RBFOX1: variants seen among roughly 807,000 people sequenced by gnomAD.
RBFOX1 encodes the protein RNA binding fox-1 homolog 1.
A neutral mutation model predicts 57.7 loss-of-function variants in RBFOX1; 8 were observed. That is an observed-to-expected ratio of 0.14 (90% CI 0.08 to 0.25). The LOEUF is 0.25. Among genes scored for constraint, RBFOX1 ranks in the 10% least tolerant of loss-of-function variants. RBFOX1 has a pLI of 1.00. For synonymous variants in RBFOX1, 326 were observed against 222.4 expected (o/e 1.47, Z -4.15); for missense variants, 611 against 548.5 (o/e 1.11, Z -1.14).
chr16:6,486,754 T>G (rs1597997706), intron 2 of RBFOX1, among the ~76,000 whole-genome samples: 1 of 152,174 alleles, frequency 6.6e-6, no homozygotes, highest in Non-Finnish European at 1.5e-5. Flanking sequence ...TTTATGGGTA[T>G]GCGTTTTTGC....
intron 1 of RBFOX1, among the ~76,000 whole-genome samples, chr16:5,281,634 T>G (rs2063273807): frequency 6.6e-6 from 1 of 152,226 alleles, no homozygotes; most frequent in African/African-American, 2.4e-5. Flanking sequence ...ATATTTAGAA[T>G]TGTTATATTT....
chr16:5,720,930 A>G (rs1456983511), intron 3 of RBFOX1, among the ~76,000 whole-genome samples: 2 of 152,190 alleles, frequency 1.3e-5, no homozygotes, highest in African/African-American at 4.8e-5. Context: ...TGTATTTCTC[A>G]GTGAATTTCA....
chr16:5,954,495 T>A (rs2059584999), intron 4 of RBFOX1, among the ~76,000 whole-genome samples: 1 of 152,186 alleles, frequency 6.6e-6, no homozygotes, highest in Non-Finnish European at 1.5e-5. Context: ...GAGATGCTCG[T>A]GGTGCCCTTG....
chr16:7,131,533 C>T (rs1483423833), intron 4 of RBFOX1, among the ~76,000 whole-genome samples: 1 of 151,492 alleles, frequency 6.6e-6, no homozygotes, highest in Non-Finnish European at 1.5e-5. Context: ...TCACCATAAT[C>T]AACCTAGCTG....
At chr16:7,390,567 G>A (rs1179489766) in intron 4 of RBFOX1, among the ~76,000 whole-genome samples, 4 of 152,120 alleles carry the variant, frequency 2.6e-5, no homozygotes, top group Non-Finnish European at 4.4e-5. Context: ...TTTGCACATC[G>A]CAGAGATTAT....
At chr16:6,881,621 T>G (rs916330328) in intron 3 of RBFOX1, among the ~76,000 whole-genome samples, 4 of 152,178 alleles carry the variant, frequency 2.6e-5, no homozygotes, top group Non-Finnish European at 1.5e-5. Context: ...TGACTTTAAC[T>G]TGATTCCCTC....
At chr16:7,637,772 C>A (rs971968508) in intron 11 of RBFOX1, among the ~76,000 whole-genome samples, 1 of 152,088 alleles carries the variant, frequency 6.6e-6, no homozygotes, top group African/African-American at 2.4e-5. Flanking sequence ...GGAGGGGGTG[C>A]TTAACAATAA....
chr16:7,562,356 G>A (rs2090587686), intron 5 of RBFOX1, among the ~76,000 whole-genome samples: 1 of 152,176 alleles, frequency 6.6e-6, no homozygotes, highest in Admixed American at 6.5e-5. Context: ...GCTCTTGAAA[G>A]AGCCTGAAGT....
At chr16:7,421,424 G>A (rs1240854904) in intron 4 of RBFOX1, among the ~76,000 whole-genome samples, 2 of 152,114 alleles carry the variant, frequency 1.3e-5, no homozygotes, top group Non-Finnish European at 2.9e-5. Flanking sequence ...GCACCCATAC[G>A]TACACATATT....
chr16:6,578,008 C>T (rs766995985), intron 2 of RBFOX1, among the ~76,000 whole-genome samples: 1 of 152,168 alleles, frequency 6.6e-6, no homozygotes, highest in South Asian at 2.1e-4. Flanking sequence ...AAGGGTGTCA[C>T]CCAACAGTGC....
intron 3 of RBFOX1, among the ~76,000 whole-genome samples, chr16:6,787,390 A>G (rs2082147750): frequency 6.6e-6 from 1 of 152,210 alleles, no homozygotes; most frequent in Admixed American, 6.5e-5. Context: ...TGAAATGATT[A>G]ACATCAGAAA....
intron 11 of RBFOX1, among the ~76,000 whole-genome samples, chr16:7,644,994 A>G (rs1245599112): frequency 6.6e-6 from 1 of 152,160 alleles, no homozygotes; most frequent in Non-Finnish European, 1.5e-5. Context: ...AAAAAGAGAC[A>G]TTTTAGCCTC....
rs1345316340 is a variant in RBFOX1 at position 5,304,067 on chromosome 16, A to G, written c.219+63962A>G. On this transcript the variant is annotated intron_variant, in intron 1 of 2. Transcript: ENST00000585867. ...TCCATTTGAACTCTAATTTTACTTA[A>G]ATTTCCTTCTGACAAATCTCCAAAG... Among the ~76,000 whole-genome samples, 4 of 152,192 alleles carry G rather than the reference A, an allele frequency of 2.6e-5. No individual in the cohort carries two copies. In the East Asian group the frequency reaches 7.7e-4, roughly 29 times the overall value.
chr16:6,472,049 C>G (rs962727626), intron 2 of RBFOX1, among the ~76,000 whole-genome samples: 5 of 152,208 alleles, frequency 3.3e-5, no homozygotes, highest in African/African-American at 9.6e-5. Context: ...ACCCCCCATT[C>G]TTTCTCTATA....
intron 3 of RBFOX1, among the ~76,000 whole-genome samples, chr16:7,010,238 A>G (rs2093587027): frequency 6.6e-6 from 1 of 152,224 alleles, no homozygotes; most frequent in South Asian, 2.1e-4. Context: ...TACACAGACA[A>G]CCTAGAGCTA....
rs1159465610 is a variant in RBFOX1 at position 7,518,372 on chromosome 16, G to A, written c.253G>A (p.Val85Ile). ...QSPADTSAQT[V>I]SGTATQTDDA... ...CCCGGCGGACACGAGCGCTCAGACC[G>A]TCTCTGGCACCGCCACAGTAAGTGG... Residue 85 changes from valine to isoleucine, a missense_variant, in exon 5 of 16, where the codon GTC becomes ATC. Val to Ile is a conservative substitution (Grantham distance 29). Around this residue, in one of 3 missense-constraint regions of RBFOX1, gnomAD observed 245 missense variants for 159.1 expected, o/e 1.54. Coordinates refer to ENST00000550418, the MANE Select transcript of RBFOX1 (RefSeq NM_018723.4). The A allele has an allele frequency of 1.2e-6, 2 of 1,609,984 alleles. No individual in the cohort carries two copies. Among genetic ancestry groups the A allele is most frequent in the Admixed American group, 1.7e-5 (1 of 59,852 alleles).
At chr16:6,573,159 A>G (rs373013378) in intron 2 of RBFOX1, among the ~76,000 whole-genome samples, 7 of 152,274 alleles carry the variant, frequency 4.6e-5, no homozygotes, top group African/African-American at 1.7e-4. Flanking sequence ...CACCACTACC[A>G]GAGACTTTAC....
rs1196919267 is a variant in RBFOX1, at chr16:6,568,629, C to A, written c.-63-85974C>A. Among the ~76,000 whole-genome samples, 3 of 152,110 alleles carry A rather than the reference C, an allele frequency of 2.0e-5. No individual in the cohort carries two copies. The East Asian group carries it at 5.8e-4, about 29-fold the overall frequency. On this transcript the variant is annotated intron_variant, in intron 2 of 15. Transcript: ENST00000550418. The stretch of plus-strand genomic sequence containing the variant: ...CAGGGCCATCTTGGGGGTTCATTCT[C>A]ATGTATCTTATTCTGATTCTCAGAA...
At chr16:6,275,221 G>C (rs2075666962) in intron 1 of RBFOX1, among the ~76,000 whole-genome samples, 1 of 152,122 alleles carries the variant, frequency 6.6e-6, no homozygotes, top group African/African-American at 2.4e-5. Context: ...TGAGGCAGGA[G>C]AAGGGTGTGA....
Sources: allele counts gnomAD v4.1 joint callset (sites outside exome capture counted in the v4.1 genomes callset), GRCh38; gene constraint gnomAD v4.1.1; regional missense constraint gnomAD v4.1.1; transcripts MANE v1.5; gene names NCBI Gene and HGNC (gene_info 2026-07-23, HGNC 2026-07-21).